The following TRPM3 variants were observed in gnomAD, a reference collection of about 807,000 sequenced individuals.
TRPM3 encodes long transient receptor potential channel 3.
A neutral mutation model predicts 181.2 loss-of-function variants in TRPM3; 77 were observed. The ratio of observed to expected loss-of-function variants is 0.42; its 90% confidence interval spans 0.35 to 0.51. TRPM3 has a LOEUF of 0.51. TRPM3 is among the 20% of genes least tolerant of loss of function. The pLI, the probability that TRPM3 is intolerant of heterozygous loss-of-function variation, is 0.01. For missense variants in TRPM3, 1,759 were observed against 2,196.7 expected, an observed-to-expected ratio of 0.80 and a Z score of 3.98; for synonymous variants, 745 against 796.4, an observed-to-expected ratio of 0.94 and a Z score of 1.09.
chr9:70,601,623 C>A (rs1366655172), intron 20 of TRPM3, among the ~76,000 whole-genome samples: 3 of 152,184 alleles, frequency 2.0e-5, no homozygotes, highest in African/African-American at 7.2e-5. Context: ...TCACTCCCCA[C>A]GGGAAGCGGG....
intron 1 of TRPM3, among the ~76,000 whole-genome samples, chr9:71,346,629 G>A (rs189482139): frequency 1.8e-4 from 27 of 152,290 alleles, no homozygotes; most frequent in Admixed American, 1.6e-3. Context: ...CAAGAGCCAA[G>A]GGAAGCAGGG....
intron 1 of TRPM3, among the ~76,000 whole-genome samples, chr9:71,298,554 C>T (rs973760751): frequency 4.0e-5 from 6 of 151,544 alleles, no homozygotes; most frequent in African/African-American, 1.5e-4. Context: ...CAATATGGTA[C>T]TTCACTAATC....
intron 1 of TRPM3, among the ~76,000 whole-genome samples, chr9:71,103,906 C>A (rs1317025688): frequency 6.6e-6 from 1 of 151,482 alleles, no homozygotes; most frequent in Non-Finnish European, 1.5e-5. Context: ...ATGATCTGAC[C>A]CATGCAGCAA....
chr9:71,121,678 AC>A (rs1180469026), upstream of TRPM3: 18 of 1,093,170 alleles, frequency 1.6e-5, no homozygotes, highest in Non-Finnish European at 2.0e-5. Context: ...TTGGGGGGGA[AC>A]CGGGGCCATT....
intron 1 of TRPM3, among the ~76,000 whole-genome samples, chr9:70,926,273 C>T (rs1285979952): frequency 1.3e-5 from 2 of 152,046 alleles, no homozygotes; most frequent in South Asian, 4.1e-4. Flanking sequence ...GTCCCCCAAA[C>T]CAAAGTTGGA....
At chr9:70,649,969 A>G (rs535461829) in intron 9 of TRPM3, among the ~76,000 whole-genome samples, 6 of 152,370 alleles carry the variant, frequency 3.9e-5, no homozygotes, top group African/African-American at 9.6e-5. Context: ...ATGGAATATT[A>G]CACAGCCTTA....
At chr9:71,246,712 C>T (rs1184498265) in intron 1 of TRPM3, among the ~76,000 whole-genome samples, 1 of 152,220 alleles carries the variant, frequency 6.6e-6, no homozygotes. Flanking sequence ...ACTTTGCCAT[C>T]TCAAAATTGT....
intron 22 of TRPM3, among the ~76,000 whole-genome samples, chr9:70,553,688 A>T (rs2046988793): frequency 6.6e-6 from 1 of 152,240 alleles, no homozygotes; most frequent in African/African-American, 2.4e-5. Flanking sequence ...CACCACTGGC[A>T]AGTTACTTTC....
rs549016501 is a variant in TRPM3 at position 71,352,877 on chromosome 9, G to A, written c.183+93776C>T. On this transcript the variant is annotated intron_variant, in intron 1 of 24. Coordinates refer to the TRPM3 transcript ENST00000357533. ...ATTTAACTCAGCTCTTTTCCTGCCC[G>A]CTTCCAACACGATTCGAAACTCCCA... is the stretch of plus-strand genomic sequence containing the variant. Among the ~76,000 whole-genome samples the A allele has an allele frequency of 5.9e-5, 9 of 152,076 alleles. No individual in the cohort carries two copies. In the East Asian group the frequency reaches 1.2e-3, roughly 20 times the overall value.
chr9:70,839,472 C>A lies in TRPM3; in HGVS notation c.801+3531G>T, dbSNP rs147003198. Among the ~76,000 whole-genome samples, 202 of 152,314 alleles carry A rather than the reference C, an allele frequency of 1.3e-3. 1 individual carries two copies. The highest frequency in any genetic ancestry group is 4.7e-3 in the African/African-American group (194 of 41,576). ...GGGTTAAGATGAATAGCAATTGCTG[C>A]ACTCACTACTTCTATCAATAAATAA... On this transcript the variant is annotated intron_variant, in intron 5 of 25. Coordinates refer to ENST00000677713, the MANE Select transcript of TRPM3 (RefSeq NM_001366145.2).
chr9:71,177,102 A>G lies in TRPM3; in HGVS notation c.183+269551T>C, dbSNP rs542062769. On this transcript the variant is annotated intron_variant, in intron 1 of 24. Transcript: ENST00000357533. ...GGCATTAAATTCTCACAGGAGCATGAACCCTGCTGTGAACTGTGCATGCGA... is the reference window on the plus strand; with the variant it reads ...GGCATTAAATTCTCACAGGAGCATGGACCCTGCTGTGAACTGTGCATGCGA... Among the ~76,000 whole-genome samples the G allele has an allele frequency of 8.7e-4, 133 of 152,224 alleles. 1 individual carries two copies. The highest frequency in any genetic ancestry group is 2.5e-3 in the African/African-American group (105 of 41,552).
Position 70,625,571 on chromosome 9 carries a change from T to C in TRPM3, c.1633-54A>G, listed in dbSNP as rs1171660662. ...AAGATGCAGTAATCGTCGGCAATAA[T>C]AGAAAATCAAAATATTTATTCAAGT... On this transcript the variant is annotated intron_variant, in intron 12 of 25. Transcript: ENST00000677713. This position sits in a 1 kb window ranked among gnomAD's most constrained non-coding sequence, Gnocchi z 4.8. 6.4e-7 allele frequency: 1 copy of C among 1,553,640 alleles called. No homozygotes were observed.
At chr9:70,943,664 C>T (rs1331041777) in intron 1 of TRPM3, among the ~76,000 whole-genome samples, 1 of 152,212 alleles carries the variant, frequency 6.6e-6, no homozygotes, top group Non-Finnish European at 1.5e-5. Context: ...ACTCAAAATC[C>T]TTCCCAAGTT....
intron 1 of TRPM3, among the ~76,000 whole-genome samples, chr9:71,443,386 C>T (rs1330642505): frequency 6.6e-6 from 1 of 151,858 alleles, no homozygotes; most frequent in Non-Finnish European, 1.5e-5. Context: ...TTAGACACAC[C>T]CACTATTGTG....
At chr9:71,173,705 G>A (rs180942361) in intron 1 of TRPM3, among the ~76,000 whole-genome samples, 489 of 152,230 alleles carry the variant, frequency 3.2e-3, no homozygotes, top group African/African-American at 0.011. Flanking sequence ...CATTAGAAAC[G>A]CCCACATTTC....
chr9:71,334,936 A>T (rs1387094705), intron 1 of TRPM3, among the ~76,000 whole-genome samples: 1 of 152,122 alleles, frequency 6.6e-6, no homozygotes, highest in Admixed American at 6.6e-5. Context: ...ACATACCAAT[A>T]TTGAGCTCCA....
intron 1 of TRPM3, among the ~76,000 whole-genome samples, chr9:71,115,701 G>A (rs1183997547): frequency 6.6e-6 from 1 of 152,102 alleles, no homozygotes; most frequent in Non-Finnish European, 1.5e-5. Context: ...AGAGTGCAGT[G>A]GCCCCTGGAC....
At chr9:71,082,554 ATAGT>A (rs1484722085) in intron 1 of TRPM3, among the ~76,000 whole-genome samples, 2 of 152,186 alleles carry the variant, frequency 1.3e-5, no homozygotes, top group Non-Finnish European at 2.9e-5. Context: ...CTGTTAAATG[ATAGT>A]TCACAAGGTA....
intron 1 of TRPM3, among the ~76,000 whole-genome samples, chr9:71,005,178 G>T (rs997554790): frequency 2.1e-4 from 32 of 152,244 alleles, no homozygotes; most frequent in African/African-American, 6.5e-4. Flanking sequence ...AAGGCCAGGT[G>T]GGCAGATCAC....
Sources: allele counts gnomAD v4.1 joint callset (sites outside exome capture counted in the v4.1 genomes callset), GRCh38; gene constraint gnomAD v4.1.1; non-coding constraint Gnocchi (gnomAD v3.1); transcripts MANE v1.5; gene names NCBI Gene and HGNC (gene_info 2026-07-23, HGNC 2026-07-21).